Variants in CD1B observed in about 807,000 individuals in gnomAD.
CD1B encodes T-cell surface glycoprotein CD1b.
CD1B carries 43 observed loss-of-function variants against 39.8 expected under a neutral mutation model. The observed-to-expected ratio is 1.08, with a 90% CI of 0.85 to 1.39. The LOEUF is 1.39. CD1B is among the 40% of genes most tolerant of loss of function. CD1B has a pLI of 0.00. For synonymous variants in CD1B, 192 were observed against 152.5 expected, an observed-to-expected ratio of 1.26 and a Z score of -1.91; for missense variants, 495 against 403.8, an observed-to-expected ratio of 1.23 and a Z score of -1.94.
the CD1B span, among the ~76,000 whole-genome samples, chr1:158,295,785 G>A: frequency 6.6e-6 from 1 of 151,240 alleles, no homozygotes; most frequent in East Asian, 1.9e-4. Flanking sequence ...AGAGACCACT[G>A]CCATAGGTCT....
chr1:158,326,789 T>A (rs1652369228), downstream of CD1B, among the ~76,000 whole-genome samples: 1 of 151,206 alleles, frequency 6.6e-6, no homozygotes, highest in African/African-American at 2.4e-5. Flanking sequence ...CATATAAAAT[T>A]ATTATTATTA....
At chr1:158,298,051 A>G in the CD1B span, among the ~76,000 whole-genome samples, 1 of 152,158 alleles carries the variant, frequency 6.6e-6, no homozygotes, top group African/African-American at 2.4e-5. Context: ...ATGGCAAAAA[A>G]TCTGTCAAGC....
the CD1B span, among the ~76,000 whole-genome samples, chr1:158,303,466 G>A: frequency 1.3e-5 from 2 of 152,128 alleles, no homozygotes; most frequent in Non-Finnish European, 2.9e-5. Flanking sequence ...CAAATAAAAA[G>A]AGAGGAAGTT....
the CD1B span, chr1:158,291,393 C>A: frequency 6.2e-7 from 1 of 1,613,228 alleles, no homozygotes; most frequent in Non-Finnish European, 8.5e-7. Flanking sequence ...GTCAAGATTA[C>A]TCGAAATGTA....
the CD1B span, chr1:158,291,980 A>G: frequency 1.7e-6 from 2 of 1,149,692 alleles, no homozygotes; most frequent in Non-Finnish European, 2.5e-6. Flanking sequence ...TCTCACATCC[A>G]TGTAAAACTT....
chr1:158,313,082 T>C, the CD1B span, among the ~76,000 whole-genome samples: 1 of 152,060 alleles, frequency 6.6e-6, no homozygotes, highest in African/African-American at 2.4e-5. Context: ...TATCAAATGC[T>C]TTCTCTGTTT....
chr1:158,307,113 A>T, the CD1B span, among the ~76,000 whole-genome samples: 1 of 152,332 alleles, frequency 6.6e-6, no homozygotes, highest in South Asian at 2.1e-4. Context: ...GAGACACAAA[A>T]ACCCTTCAAA....
chr1:158,315,417 G>A, the CD1B span, among the ~76,000 whole-genome samples: 3 of 151,710 alleles, frequency 2.0e-5, no homozygotes, highest in Admixed American at 1.3e-4. Flanking sequence ...GTGATGATGA[G>A]CATTTTTTAA....
At chr1:158,305,854 T>C in the CD1B span, among the ~76,000 whole-genome samples, 1 of 152,138 alleles carries the variant, frequency 6.6e-6, no homozygotes, top group Non-Finnish European at 1.5e-5. Flanking sequence ...GAAGGAGAAA[T>C]AAAATAGTTT....
the CD1B span, chr1:158,289,832 G>A: frequency 4.2e-6 from 2 of 471,700 alleles, no homozygotes; most frequent in East Asian, 6.5e-5. Context: ...TAGTGGCAGA[G>A]CAGCTGGAAT....
chr1:158,293,950 ATGT>A, the CD1B span, among the ~76,000 whole-genome samples: 2 of 152,238 alleles, frequency 1.3e-5, no homozygotes, highest in Admixed American at 6.5e-5. Flanking sequence ...TTCCTTCCCA[ATGT>A]TGTTGTAGCA....
At chr1:158,322,103 A>G in the CD1B span, among the ~76,000 whole-genome samples, 3 of 152,202 alleles carry the variant, frequency 2.0e-5, no homozygotes, top group South Asian at 6.2e-4. Flanking sequence ...CATCTTTTGT[A>G]TGGTTTATCT....
the CD1B span, chr1:158,291,414 T>C: frequency 1.9e-6 from 3 of 1,611,534 alleles, no homozygotes; most frequent in Middle Eastern, 1.7e-4. Flanking sequence ...AGTTCAATCA[T>C]CTAAATTATG....
the CD1B span, among the ~76,000 whole-genome samples, chr1:158,295,530 T>C: frequency 2.0e-5 from 3 of 152,084 alleles, no homozygotes; most frequent in African/African-American, 7.2e-5. Context: ...GAGGGTTTGG[T>C]GTGAGAACAG....
the CD1B span, among the ~76,000 whole-genome samples, chr1:158,320,023 A>G: frequency 1.3e-5 from 2 of 152,218 alleles, no homozygotes; most frequent in East Asian, 1.9e-4. Context: ...GCCCGTTCTC[A>G]GATCTCCAGC....
the CD1B span, among the ~76,000 whole-genome samples, chr1:158,307,384 G>A: frequency 6.6e-6 from 1 of 152,064 alleles, no homozygotes; most frequent in African/African-American, 2.4e-5. Context: ...ACTAAATCAG[G>A]AAGAATTTGA....
At chr1:158,319,701 G>A in the CD1B span, among the ~76,000 whole-genome samples, 1 of 152,194 alleles carries the variant, frequency 6.6e-6, no homozygotes, top group Non-Finnish European at 1.5e-5. Context: ...TTCCATTGCT[G>A]GTGAGGAACT....
the CD1B span, among the ~76,000 whole-genome samples, chr1:158,301,954 G>A: frequency 7.9e-5 from 12 of 152,058 alleles, no homozygotes; most frequent in South Asian, 2.1e-4. Context: ...TTTTCACATA[G>A]TACCATATAT....
the CD1B span, among the ~76,000 whole-genome samples, chr1:158,316,812 A>T: frequency 2.0e-5 from 3 of 151,856 alleles, no homozygotes; most frequent in African/African-American, 4.9e-5. Context: ...GATAGCTCTT[A>T]TTATTTTGAA....
Sources: gnomAD v4.1 joint callset for allele counts (sites outside exome capture counted in the v4.1 genomes callset) on GRCh38, gnomAD v4.1.1 for gene constraint, MANE v1.5 for transcripts, NCBI Gene and HGNC (gene_info 2026-07-23, HGNC 2026-07-21) for gene names.